Variants in DIS3L2 observed in about 807,000 individuals in gnomAD.
DIS3L2 encodes DIS3 like 3'-5' exoribonuclease 2.
Under a neutral mutation model 97.5 loss-of-function variants are expected in DIS3L2, and 34 were observed. The observed-to-expected ratio is 0.35, with a 90% CI of 0.27 to 0.46. The LOEUF is 0.46. DIS3L2 is among the 20% of genes least tolerant of loss of function. The pLI is 1.00. For missense variants in DIS3L2, 1,038 were observed against 1,146.0 expected, an observed-to-expected ratio of 0.91 and a Z score of 1.36; for synonymous variants, 435 against 445.2, an observed-to-expected ratio of 0.98 and a Z score of 0.29.
chr2:232,173,989 A>C (rs1255625126), intron 9 of DIS3L2, among the ~76,000 whole-genome samples: 1 of 152,178 alleles, frequency 6.6e-6, no homozygotes, highest in Non-Finnish European at 1.5e-5. Context: ...CAGGATTTTC[A>C]TAAGAATTGC....
At chr2:232,242,476 C>T in intron 11 of DIS3L2, among the ~76,000 whole-genome samples, 1 of 152,174 alleles carries the variant, frequency 6.6e-6, no homozygotes, top group Non-Finnish European at 1.5e-5. Context: ...GCTCCCACAT[C>T]ACTGCTAGTC....
chr2:232,295,677 C>CT (rs1230961323), intron 13 of DIS3L2, among the ~76,000 whole-genome samples: 3 of 152,222 alleles, frequency 2.0e-5, no homozygotes, highest in Non-Finnish European at 4.4e-5. Context: ...CTAGCACTGT[C>CT]TAATTTGCTA....
intron 13 of DIS3L2, among the ~76,000 whole-genome samples, chr2:232,287,610 C>A (rs1054670956): frequency 1.3e-5 from 2 of 151,992 alleles, no homozygotes; most frequent in Non-Finnish European, 2.9e-5. Flanking sequence ...CCAGGCTGCT[C>A]TCAAACTCAT....
intron 6 of DIS3L2, among the ~76,000 whole-genome samples, chr2:232,098,583 TCC>T (rs1031925275): frequency 6.6e-5 from 10 of 152,158 alleles, no homozygotes; most frequent in African/African-American, 2.4e-4. Flanking sequence ...CGAACTCCTG[TCC>T]TCAGGTGATC....
intron 5 of DIS3L2, among the ~76,000 whole-genome samples, chr2:232,065,603 A>AG (rs113147387): frequency 0.24 from 36,376 of 151,792 alleles, 7,501 homozygotes; most frequent in African/African-American, 0.56. Context: ...GTAGCTTTGT[A>AG]GTAAGCCTTA....
intron 14 of DIS3L2, among the ~76,000 whole-genome samples, chr2:232,317,184 T>G (rs1171453242): frequency 2.0e-5 from 3 of 152,228 alleles, no homozygotes; most frequent in Non-Finnish European, 4.4e-5. Flanking sequence ...GCCCAGGCAG[T>G]AAGTGCTGCG....
chr2:232,337,849 C>T (rs533320631), downstream of DIS3L2, among the ~76,000 whole-genome samples: 343 of 151,760 alleles, frequency 2.3e-3, 3 homozygotes, highest in African/African-American at 6.3e-3. Flanking sequence ...CACCGTCAGA[C>T]GGGGCTGGCT....
chr2:232,166,447 G>A (rs914056273), intron 9 of DIS3L2, among the ~76,000 whole-genome samples: 8 of 152,094 alleles, frequency 5.3e-5, no homozygotes, highest in East Asian at 1.9e-4. Context: ...CTTTTGGGCC[G>A]GGCGCCGTGG....
At chr2:232,056,413 C>T (rs562017532) in intron 5 of DIS3L2, among the ~76,000 whole-genome samples, 1 of 151,844 alleles carries the variant, frequency 6.6e-6, no homozygotes, top group South Asian at 2.1e-4. Context: ...AAAACAGTAA[C>T]CATGAAGGAG....
At chr2:232,045,967 G>A (rs1414440103) in intron 5 of DIS3L2, among the ~76,000 whole-genome samples, 1 of 152,050 alleles carries the variant, frequency 6.6e-6, no homozygotes, top group Admixed American at 6.6e-5. Context: ...GAGCCACCGC[G>A]CATGGCCATT....
intron 8 of DIS3L2, among the ~76,000 whole-genome samples, chr2:232,140,369 A>G (rs974648369): frequency 6.6e-6 from 1 of 152,188 alleles, no homozygotes; most frequent in East Asian, 1.9e-4. Context: ...CACTTGGTGA[A>G]CATTTGCTAG....
At chr2:232,171,163 T>C (rs1287197074) in intron 9 of DIS3L2, among the ~76,000 whole-genome samples, 1 of 152,208 alleles carries the variant, frequency 6.6e-6, no homozygotes, top group Non-Finnish European at 1.5e-5. Context: ...TTATCTTTTG[T>C]GAAATGGATT....
At chr2:232,038,637 A>G (rs1015644173) in intron 5 of DIS3L2, among the ~76,000 whole-genome samples, 4 of 152,174 alleles carry the variant, frequency 2.6e-5, no homozygotes, top group African/African-American at 9.7e-5. Context: ...CCCTTTATTG[A>G]TAAGACAGTC....
At chr2:232,201,281 A>G (rs761701275) in intron 9 of DIS3L2, among the ~76,000 whole-genome samples, 3 of 152,234 alleles carry the variant, frequency 2.0e-5, no homozygotes, top group South Asian at 2.1e-4. Flanking sequence ...TGAGGCCAGA[A>G]TGTTCACCAT....
At chr2:232,032,376 A>C (rs2106242476) in intron 5 of DIS3L2, among the ~76,000 whole-genome samples, 1 of 152,226 alleles carries the variant, frequency 6.6e-6, no homozygotes, top group Non-Finnish European at 1.5e-5. Flanking sequence ...AATTTGTTTA[A>C]GTTCCTTGTA....
chr2:232,207,032 G>A (rs1692045185), intron 9 of DIS3L2, among the ~76,000 whole-genome samples: 1 of 152,130 alleles, frequency 6.6e-6, no homozygotes, highest in African/African-American at 2.4e-5. Context: ...AACCCTCCAA[G>A]TAACCTAGTA....
chr2:232,328,681 G>C (rs1421271336), intron 14 of DIS3L2: 2 of 152,292 alleles, frequency 1.3e-5, no homozygotes, highest in African/African-American at 4.8e-5. Flanking sequence ...ATGAAGGCTG[G>C]GGAAAGGCAG....
At chr2:232,339,204 T>TA (rs1466310661), downstream of DIS3L2, among the ~76,000 whole-genome samples, 1 of 151,356 alleles carries the variant, frequency 6.6e-6, no homozygotes, top group Non-Finnish European at 1.5e-5. Flanking sequence ...GAACTGGAAT[T>TA]ACACAGCCTG....
intron 6 of DIS3L2, among the ~76,000 whole-genome samples, chr2:232,117,106 C>T (rs1203154018): frequency 3.9e-5 from 6 of 152,148 alleles, no homozygotes; most frequent in Non-Finnish European, 8.8e-5. Flanking sequence ...GACTACTGCA[C>T]CCATGACTCT....
Sources: allele counts gnomAD v4.1 joint callset (sites outside exome capture counted in the v4.1 genomes callset), GRCh38; gene constraint gnomAD v4.1.1; transcripts MANE v1.5; gene names NCBI Gene and HGNC (gene_info 2026-07-23, HGNC 2026-07-21).